The following ATXN2 variants were observed in gnomAD, a reference collection of about 807,000 sequenced individuals.
ATXN2 encodes the protein ataxin 2.
ATXN2 carries 37 observed loss-of-function variants against 138.6 expected under a neutral mutation model. The ratio of observed to expected loss-of-function variants is 0.27; its 90% CI spans 0.21 to 0.35. The LOEUF (loss-of-function observed/expected upper bound fraction) is 0.35. Among genes scored for constraint, ATXN2 ranks in the 10% least tolerant of loss-of-function variants. The pLI is 1.00. For synonymous variants in ATXN2, 549 were observed against 543.7 expected, an observed-to-expected ratio of 1.01 and a Z score of -0.13; for missense variants, 1,216 against 1,480.3, an observed-to-expected ratio of 0.82 and a Z score of 2.93.
At chr12:111,549,023 A>G (rs912959873) in intron 5 of ATXN2, among the ~76,000 whole-genome samples, 1 of 152,058 alleles carries the variant, frequency 6.6e-6, no homozygotes, top group African/African-American at 2.4e-5. Context: ...CCTGGCCTAG[A>G]AAGCACAAAT....
chr12:111,582,462 A>C (rs550300431), intron 1 of ATXN2, among the ~76,000 whole-genome samples: 1 of 151,290 alleles, frequency 6.6e-6, no homozygotes, highest in Non-Finnish European at 1.5e-5. Context: ...AAAGAACTGC[A>C]GGGTGTGATG....
chr12:111,461,186 G>A (rs1162267347), intron 21 of ATXN2: 7 of 152,146 alleles, frequency 4.6e-5, no homozygotes, highest in Non-Finnish European at 1.0e-4. Context: ...TGGGAGAAAT[G>A]GAGCCGGGCA....
chr12:111,531,567 T>C (rs1447121106), intron 5 of ATXN2, among the ~76,000 whole-genome samples: 1 of 145,166 alleles, frequency 6.9e-6, no homozygotes, highest in Non-Finnish European at 1.5e-5. Context: ...TCTAACTGAA[T>C]TGTATACTAC....
intron 5 of ATXN2, among the ~76,000 whole-genome samples, chr12:111,533,763 G>A (rs1880984310): frequency 1.3e-5 from 2 of 152,154 alleles, no homozygotes; most frequent in African/African-American, 4.8e-5. Flanking sequence ...CTGACCTCAG[G>A]TGATCCATCT....
At position 111,493,193 on chromosome 12, in the gene ATXN2, C is replaced by T. The variant is rs562859383; in HGVS notation, c.1936-4413G>A. 2.6e-4 allele frequency among the ~76,000 whole-genome samples: 39 copies of T among 152,100 alleles called. No homozygotes were observed. The East Asian group carries it at 4.3e-3, about 17-fold the overall frequency. On this transcript the variant is annotated intron_variant, in intron 14 of 24. Transcript: ENST00000673436. The stretch of plus-strand genomic sequence containing the variant: ...TAGCACTTTAGGATGCCAAGGCGGG[C>T]GGATCACCCTGAGGTCAGGAGCTCA...
At chr12:111,489,825 G>A (rs1426842406) in intron 14 of ATXN2, among the ~76,000 whole-genome samples, 1 of 152,002 alleles carries the variant, frequency 6.6e-6, no homozygotes, top group Non-Finnish European at 1.5e-5. Context: ...ACCAATGGCT[G>A]GACCAAGGGT....
At chr12:111,529,582 C>T (rs1381494788) in intron 5 of ATXN2, among the ~76,000 whole-genome samples, 1 of 152,216 alleles carries the variant, frequency 6.6e-6, no homozygotes, top group Non-Finnish European at 1.5e-5. Context: ...TCTTCTGATT[C>T]TGGGCAGAAA....
At chr12:111,500,675 C>A (rs1878708589) in intron 14 of ATXN2, among the ~76,000 whole-genome samples, 1 of 152,152 alleles carries the variant, frequency 6.6e-6, no homozygotes, top group Non-Finnish European at 1.5e-5. Context: ...GAGATCAAGA[C>A]CATCCCAGCC....
chr12:111,497,338 A>G (rs1056789478), intron 14 of ATXN2, among the ~76,000 whole-genome samples: 4 of 152,158 alleles, frequency 2.6e-5, no homozygotes, highest in Non-Finnish European at 4.4e-5. Flanking sequence ...AACTATTCCA[A>G]CACAATACAG....
chr12:111,466,436 G>C (rs1876032571), intron 20 of ATXN2, among the ~76,000 whole-genome samples: 1 of 152,058 alleles, frequency 6.6e-6, no homozygotes, highest in Non-Finnish European at 1.5e-5. Context: ...AGGAGGCGGA[G>C]CGTGCAGTGA....
rs1362171671 is a variant in ATXN2 at position 111,456,042 on chromosome 12, G to T, written c.3257C>A (p.Ala1086Asp). The T allele has an allele frequency of 1.9e-6, 3 of 1,614,172 alleles. No individual in the cohort carries two copies. Among genetic ancestry groups the T allele is most frequent in the Non-Finnish European group, 2.5e-6 (3 of 1,180,008 alleles). The change falls in exon 23 of 25, where the codon GCC (alanine) becomes GAC (aspartate). Residue 1086 changes from alanine to aspartate, a missense_variant. Ala to Asp is a moderately radical substitution (Grantham distance 126). This residue lies in a region of ATXN2 where 490 missense variants were observed against 653.5 expected (regional missense o/e 0.75). Coordinates refer to ENST00000673436, the MANE Select transcript of ATXN2 (RefSeq NM_001372574.1). Reference protein sequence around the residue: ...QPAYTNPPHMAHVPQAHVQSG... With the variant: ...QPAYTNPPHMDHVPQAHVQSG... Reference sequence around the variant, plus strand: ...AGCTGGTATTACCTGAGGTACGTGGGCCATGTGGGGTGGGTTGGTATACGC... The same window carrying T: ...AGCTGGTATTACCTGAGGTACGTGGTCCATGTGGGGTGGGTTGGTATACGC...
intron 14 of ATXN2, among the ~76,000 whole-genome samples, chr12:111,505,171 T>C (rs902832981): frequency 6.6e-6 from 1 of 152,106 alleles, no homozygotes; most frequent in Non-Finnish European, 1.5e-5. Context: ...ATTGCACCAC[T>C]GCCCTCCAGC....
At chr12:111,472,647 C>T (rs903505556) in intron 18 of ATXN2, among the ~76,000 whole-genome samples, 1 of 152,202 alleles carries the variant, frequency 6.6e-6, no homozygotes, top group Non-Finnish European at 1.5e-5. Context: ...TGACTCACTG[C>T]ACTCTCTGCC....
At chr12:111,569,812 G>A (rs1373362398) in intron 1 of ATXN2, among the ~76,000 whole-genome samples, 1 of 152,004 alleles carries the variant, frequency 6.6e-6, no homozygotes, top group African/African-American at 2.4e-5. Context: ...TAAAAGGCTT[G>A]GTCATGAAGC....
chr12:111,463,959 G>C (rs1026059373), intron 21 of ATXN2, among the ~76,000 whole-genome samples: 1 of 151,990 alleles, frequency 6.6e-6, no homozygotes, highest in African/African-American at 2.4e-5. Flanking sequence ...GCTGATTTTT[G>C]TATTTTTTAG....
At chr12:111,541,703 T>C (rs1322803727) in intron 5 of ATXN2, among the ~76,000 whole-genome samples, 1 of 149,158 alleles carries the variant, frequency 6.7e-6, no homozygotes, top group Admixed American at 6.8e-5. Context: ...TGGAAAAAAA[T>C]TTCCAAAGTT....
intron 18 of ATXN2, among the ~76,000 whole-genome samples, chr12:111,476,354 T>A (rs1252517403): frequency 6.6e-6 from 1 of 151,978 alleles, no homozygotes; most frequent in Non-Finnish European, 1.5e-5. Flanking sequence ...GGAACTGAAG[T>A]AACACCTAAC....
At chr12:111,584,377 CAAAAAAAAAAAAAAA>C (rs58678794) in intron 1 of ATXN2, among the ~76,000 whole-genome samples, 35 of 44,746 alleles carry the variant, frequency 7.8e-4, no homozygotes, top group East Asian at 3.7e-3. Flanking sequence ...GACCCTGTCT[CAAAAAAAAAAAAAAA>C]AAAAAAAAAA....
At chr12:111,571,522 G>A (rs1377040536) in intron 1 of ATXN2, among the ~76,000 whole-genome samples, 2 of 152,040 alleles carry the variant, frequency 1.3e-5, no homozygotes, top group Non-Finnish European at 2.9e-5. Flanking sequence ...AATGATGGAG[G>A]AGCAAGCAAG....
Sources: allele counts gnomAD v4.1 joint callset (sites outside exome capture counted in the v4.1 genomes callset), GRCh38; gene constraint gnomAD v4.1.1; regional missense constraint gnomAD v4.1.1; transcripts MANE v1.5; gene names NCBI Gene and HGNC (gene_info 2026-07-23, HGNC 2026-07-21).